Variants in CTNNA2 observed in about 807,000 individuals in gnomAD.
CTNNA2 encodes the protein catenin alpha-2.
In CTNNA2, 42 loss-of-function variants were observed where a neutral mutation model predicts 101.0. That is an observed-to-expected ratio of 0.42 (90% CI 0.32 to 0.54). The LOEUF (loss-of-function observed/expected upper bound fraction) is 0.54. Ranked by LOEUF, CTNNA2 falls within the 20% of genes least tolerant of loss-of-function variation. The probability of loss-of-function intolerance (pLI) is 0.14; values close to 1 mark genes in which losing one functional copy is unlikely to be tolerated. For synonymous variants in CTNNA2, 450 were observed against 456.4 expected (o/e 0.99, Z 0.18); for missense variants, 871 against 1,223.1 (o/e 0.71, Z 4.29).
chr2:79,348,166 T>A (rs986516092), intron 3 of CTNNA2, among the ~76,000 whole-genome samples: 2 of 152,302 alleles, frequency 1.3e-5, no homozygotes, highest in Admixed American at 1.3e-4. Context: ...TGGACTCCTA[T>A]GAAAACAGTA....
At chr2:80,195,951 T>C (rs2149006227) in intron 7 of CTNNA2, among the ~76,000 whole-genome samples, 1 of 152,268 alleles carries the variant, frequency 6.6e-6, no homozygotes, top group East Asian at 1.9e-4. Flanking sequence ...CATCTTTTAA[T>C]AGCCAGAGCT....
chr2:80,240,253 T>C (rs1212966378), intron 7 of CTNNA2, among the ~76,000 whole-genome samples: 1 of 152,232 alleles, frequency 6.6e-6, no homozygotes, highest in Non-Finnish European at 1.5e-5. Context: ...CATGAAATAA[T>C]GATCAACAAC....
At chr2:80,276,060 A>T (rs1313855080) in intron 7 of CTNNA2, among the ~76,000 whole-genome samples, 1 of 152,126 alleles carries the variant, frequency 6.6e-6, no homozygotes, top group Non-Finnish European at 1.5e-5. Context: ...AAAGAAAGCT[A>T]CTCTAAGTGC....
In CTNNA2 at chr2:80,303,655, G is replaced by C; in HGVS notation, c.1057-89556G>C. 6.2e-7 allele frequency: 1 copy of C among 1,613,072 alleles called. No homozygotes were observed. The highest frequency in any genetic ancestry group is 2.2e-5 in the East Asian group (1 of 44,830). ...GGTTGTGGGGCGCCTCGGTGAGGTTGAGCGCCTCGCAGTACAGCAGCCGCC... is the reference window on the plus strand; with the variant it reads ...GGTTGTGGGGCGCCTCGGTGAGGTTCAGCGCCTCGCAGTACAGCAGCCGCC... On this transcript the variant is annotated intron_variant, in intron 7 of 18. Coordinates refer to ENST00000402739, the MANE Select transcript of CTNNA2 (RefSeq NM_001282597.3). The surrounding 1 kb of genome is among the most constrained non-coding windows in gnomAD (Gnocchi z 7.7).
chr2:79,690,262 C>G (rs1684200346), intron 2 of CTNNA2, among the ~76,000 whole-genome samples: 1 of 151,998 alleles, frequency 6.6e-6, no homozygotes, highest in Non-Finnish European at 1.5e-5. Context: ...TCATTAGAAA[C>G]ATGAAAACCA....
At chr2:80,351,031 T>A (rs539079652) in intron 7 of CTNNA2, among the ~76,000 whole-genome samples, 10 of 152,308 alleles carry the variant, frequency 6.6e-5, no homozygotes, top group African/African-American at 2.4e-4. Flanking sequence ...TGATCATTAT[T>A]CTTTCTCGTG....
chr2:79,724,814 C>CAAAAA lies in CTNNA2; in HGVS notation c.103-19555_103-19551dup, dbSNP rs60016527. Among the ~76,000 whole-genome samples, 18 of 74,070 alleles carry CAAAAA rather than the reference C, an allele frequency of 2.4e-4. 1 individual carries two copies. Among genetic ancestry groups the CAAAAA allele is most frequent in the African/African-American group, 7.9e-4 (15 of 18,924 alleles). 48.6% of individuals were successfully genotyped at this position (74,070 alleles called of 152,430 possible). A position where few individuals can be genotyped will look rare whatever the true frequency, so the allele number is the denominator to read the frequency against. On this transcript the variant is annotated intron_variant, in intron 2 of 18. Coordinates refer to ENST00000402739, the MANE Select transcript of CTNNA2 (RefSeq NM_001282597.3). Reference sequence around the variant, plus strand: ...GGGGCGACAGACCAAGACTCCACCTCAAAAAAAAAAAAAAAAAAAAAAGGA... The same window carrying CAAAAA: ...GGGGCGACAGACCAAGACTCCACCTCAAAAAAAAAAAAAAAAAAAAAAAAAAAGGA...
intron 7 of CTNNA2, among the ~76,000 whole-genome samples, chr2:80,103,456 A>G (rs998739209): frequency 1.3e-5 from 2 of 152,138 alleles, no homozygotes; most frequent in African/African-American, 4.8e-5. Context: ...CTGTCCCTAA[A>G]TGCAGGCATA....
At chr2:79,435,217 G>C (rs1000344270) in intron 4 of CTNNA2, among the ~76,000 whole-genome samples, 1 of 152,142 alleles carries the variant, frequency 6.6e-6, no homozygotes, top group Non-Finnish European at 1.5e-5. Flanking sequence ...TAAAATACCT[G>C]CATTAAGTCA....
intron 9 of CTNNA2, among the ~76,000 whole-genome samples, chr2:80,527,309 A>C (rs1364335924): frequency 6.6e-6 from 1 of 152,198 alleles, no homozygotes; most frequent in Non-Finnish European, 1.5e-5. Context: ...TTTGTCAAAA[A>C]GTGAAGCGTT....
intron 7 of CTNNA2, among the ~76,000 whole-genome samples, chr2:80,173,631 C>T (rs928711633): frequency 2.6e-5 from 4 of 152,126 alleles, no homozygotes; most frequent in Non-Finnish European, 5.9e-5. Flanking sequence ...ATGGTAAACA[C>T]GTTTTATGGG....
At chr2:80,642,011 C>G (rs1673551219) in intron 18 of CTNNA2, among the ~76,000 whole-genome samples, 1 of 151,992 alleles carries the variant, frequency 6.6e-6, no homozygotes, top group Admixed American at 6.6e-5. Context: ...TATTTACTCC[C>G]ATAAATACAA....
At chr2:80,632,685 T>C (rs1672429464) in intron 18 of CTNNA2, among the ~76,000 whole-genome samples, 1 of 152,086 alleles carries the variant, frequency 6.6e-6, no homozygotes, top group Admixed American at 6.6e-5. Context: ...TGGTCATCTG[T>C]TGGAATACCC....
rs1486299241 is a variant in CTNNA2 at position 80,648,382 on chromosome 2, TATTATGTCG to T, written c.*514_*522del. 1 of 152,630 alleles carries T rather than the reference TATTATGTCG, an allele frequency of 6.6e-6. No individual in the cohort carries two copies. Among genetic ancestry groups the T allele is most frequent in the African/African-American group, 2.4e-5 (1 of 41,450 alleles). 9.5% of individuals were successfully genotyped at this position (152,630 alleles called of 1,614,324 possible). On this transcript the variant is annotated 3_prime_UTR_variant, in exon 19 of 19. Transcript: ENST00000402739. ...TTAACCTTGAAGTCTATATCCGTGA[TATTATGTCG>T]ATTTTTAACTGAGGGGAAATTAACT... is the stretch of plus-strand genomic sequence containing the variant.
chr2:80,268,971 G>T (rs188988873), intron 7 of CTNNA2, among the ~76,000 whole-genome samples: 1 of 152,144 alleles, frequency 6.6e-6, no homozygotes, highest in Non-Finnish European at 1.5e-5. Flanking sequence ...CAAAGTTCAT[G>T]CAAGTGAGAA....
chr2:79,213,904 A>G (rs987585458), intron 2 of CTNNA2, among the ~76,000 whole-genome samples: 26 of 152,314 alleles, frequency 1.7e-4, no homozygotes, highest in African/African-American at 5.3e-4. Flanking sequence ...AGGGCCTCTA[A>G]AAGTATTAAA....
intron 2 of CTNNA2, among the ~76,000 whole-genome samples, chr2:79,733,533 A>T (rs1321618904): frequency 2.0e-5 from 3 of 151,756 alleles, no homozygotes; most frequent in Non-Finnish European, 4.4e-5. Context: ...AAAATTTAAG[A>T]CTTAAACCCA....
chr2:79,625,596 C>T (rs1166895077), intron 1 of CTNNA2, among the ~76,000 whole-genome samples: 1 of 152,074 alleles, frequency 6.6e-6, no homozygotes, highest in African/African-American at 2.4e-5. Flanking sequence ...GCCTGAAAGT[C>T]GCTGTGGTGG....
At chr2:79,962,784 A>G (rs76991184) in intron 7 of CTNNA2, among the ~76,000 whole-genome samples, 1,700 of 152,254 alleles carry the variant, frequency 0.011, 77 homozygotes, top group Admixed American at 0.078. Context: ...AATGTTACAC[A>G]AAATTGGCCG....
Sources: allele counts gnomAD v4.1 joint callset (sites outside exome capture counted in the v4.1 genomes callset), GRCh38; gene constraint gnomAD v4.1.1; non-coding constraint Gnocchi (gnomAD v3.1); transcripts MANE v1.5; gene names NCBI Gene and HGNC (gene_info 2026-07-23, HGNC 2026-07-21).